Variants in RAVER2 observed in about 807,000 individuals in gnomAD.
RAVER2 encodes ribonucleoprotein, PTB binding 2.
A neutral mutation model predicts 78.1 loss-of-function variants in RAVER2; 46 were observed. That is an observed-to-expected ratio of 0.59 (90% CI 0.46 to 0.75). RAVER2 has a LOEUF of 0.75. Among genes scored for constraint, RAVER2 ranks in the 30% least tolerant of loss-of-function variants. The pLI, the probability that RAVER2 is intolerant of heterozygous loss-of-function variation, is 0.00. For synonymous variants in RAVER2, 311 were observed against 313.3 expected (o/e 0.99, Z 0.08); for missense variants, 793 against 837.5 (o/e 0.95, Z 0.66).
At chr1:64,761,072 A>G (rs1411791612) in intron 1 of RAVER2, among the ~76,000 whole-genome samples, 1 of 152,230 alleles carries the variant, frequency 6.6e-6, no homozygotes, top group Non-Finnish European at 1.5e-5. Context: ...TGTTAGGATT[A>G]AATGAGATAA....
At chr1:64,803,200 T>TA in intron 6 of RAVER2, 139 bp downstream of exon 6, 1 of 578,580 alleles carries the variant, frequency 1.7e-6, no homozygotes, top group Middle Eastern at 3.7e-4. Context: ...TATAGGTATG[T>TA]AAAATCATAA....
At position 64,821,855 on chromosome 1, in the gene RAVER2, C is replaced by T. The variant is rs553937467; in HGVS notation, c.1929+7015C>T. 5.3e-5 allele frequency among the ~76,000 whole-genome samples: 8 copies of T among 152,228 alleles called. No homozygotes were observed. The East Asian group carries it at 5.8e-4, about 11-fold the overall frequency. ...GGCAATACCATCCTGGACACAGGAA[C>T]GCACAAAGATTTTACGACAAAGTAT... is the stretch of plus-strand genomic sequence containing the variant. On this transcript the variant is annotated intron_variant, in intron 11 of 11. Transcript: ENST00000294428.
At chr1:64,796,135 A>C (rs536689205) in intron 5 of RAVER2, among the ~76,000 whole-genome samples, 2 of 152,050 alleles carry the variant, frequency 1.3e-5, no homozygotes, top group Admixed American at 1.3e-4. Context: ...GGTAAACCTC[A>C]CTTAGTCATG....
intron 1 of RAVER2, among the ~76,000 whole-genome samples, chr1:64,762,341 T>C (rs1652045393): frequency 6.6e-6 from 1 of 151,980 alleles, no homozygotes; most frequent in Non-Finnish European, 1.5e-5. Context: ...ATGTCAGTTG[T>C]TCCCAAACTG....
intron 1 of RAVER2, among the ~76,000 whole-genome samples, chr1:64,755,732 T>G (rs918129777): frequency 5.7e-4 from 81 of 141,556 alleles, no homozygotes; most frequent in African/African-American, 1.7e-3. Context: ...TAGTTTTTTT[T>G]TTTTTTTTTT....
chr1:64,763,444 T>G (rs1570534145), intron 1 of RAVER2, among the ~76,000 whole-genome samples: 1 of 152,156 alleles, frequency 6.6e-6, no homozygotes, highest in Non-Finnish European at 1.5e-5. Flanking sequence ...GAAATACAAA[T>G]TAAGGCCATA....
At chr1:64,773,391 G>C (rs1168758854) in intron 2 of RAVER2, among the ~76,000 whole-genome samples, 1 of 151,146 alleles carries the variant, frequency 6.6e-6, no homozygotes, top group Non-Finnish European at 1.5e-5. Context: ...GTGTCCATTT[G>C]TTCTCATTGT....
At position 64,781,222 on chromosome 1, in the gene RAVER2, C is replaced by G. The variant is rs138079814; in HGVS notation, c.787-158C>G. Among the ~76,000 whole-genome samples the G allele has an allele frequency of 3.2e-3, 488 of 152,316 alleles. 1 individual carries two copies. Among genetic ancestry groups the G allele is most frequent in the African/African-American group, 0.011 (467 of 41,582 alleles). ...TTCCTGTCTTCAAGAAGAACTACAT[C>G]TAAGCAATTAGTAAACATTTTCATA... On this transcript the variant is annotated intron_variant, in intron 3 of 11. Transcript: ENST00000294428.
intron 10 of RAVER2, 51 bp from the exon 11 acceptor site, chr1:64,814,653 A>G: frequency 1.9e-6 from 2 of 1,039,554 alleles, no homozygotes; most frequent in Non-Finnish European, 1.3e-6. Context: ...AATAAAATAA[A>G]TTTATAATAA....
chr1:64,828,026 T>C (rs1183687515), intron 11 of RAVER2, among the ~76,000 whole-genome samples: 1 of 152,148 alleles, frequency 6.6e-6, no homozygotes, highest in Non-Finnish European at 1.5e-5. Context: ...GCCATCTGCC[T>C]TTGCACAGGC....
At chr1:64,788,237 C>T (rs1474286814) in intron 4 of RAVER2, among the ~76,000 whole-genome samples, 1 of 152,012 alleles carries the variant, frequency 6.6e-6, no homozygotes, top group African/African-American at 2.4e-5. Flanking sequence ...CTTTGGGAGG[C>T]CGAGGTGGGT....
chr1:64,759,314 G>T (rs996817034), intron 1 of RAVER2, among the ~76,000 whole-genome samples: 4 of 151,690 alleles, frequency 2.6e-5, no homozygotes, highest in Non-Finnish European at 5.9e-5. Context: ...CCGCCTCCCG[G>T]GTTCATGGCA....
chr1:64,822,831 A>G (rs1653919414), intron 11 of RAVER2, among the ~76,000 whole-genome samples: 1 of 152,272 alleles, frequency 6.6e-6, no homozygotes, highest in Non-Finnish European at 1.5e-5. Context: ...GGTAATATCC[A>G]CGTGATGGAA....
At chr1:64,782,162 C>A (rs1056926117) in intron 4 of RAVER2, among the ~76,000 whole-genome samples, 1 of 152,202 alleles carries the variant, frequency 6.6e-6, no homozygotes, top group African/African-American at 2.4e-5. Flanking sequence ...CCTCAGCCTC[C>A]CAAAGTGCTG....
intron 5 of RAVER2, among the ~76,000 whole-genome samples, chr1:64,793,768 A>G (rs1240973867): frequency 1.3e-5 from 2 of 152,118 alleles, no homozygotes; most frequent in Non-Finnish European, 2.9e-5. Context: ...TTCTGTCACT[A>G]CAGTTTGTAT....
rs1011425003 is a variant in RAVER2 at position 64,758,947 on chromosome 1, A to G, written c.250-9709A>G. ...TAAATATTTAAATATTGGAGGAGAG[A>G]TTGTGATTTATGTATGGTTATTCTT... On this transcript the variant is annotated intron_variant, in intron 1 of 11. Coordinates refer to ENST00000294428, the Ensembl canonical transcript of RAVER2. Among the ~76,000 whole-genome samples, 3 of 149,712 alleles carry G rather than the reference A, an allele frequency of 2.0e-5. 1 individual carries two copies. The highest frequency in any genetic ancestry group is 7.6e-5 in the African/African-American group (3 of 39,622).
At chr1:64,823,080 A>T (rs1410287365) in intron 11 of RAVER2, among the ~76,000 whole-genome samples, 2 of 152,178 alleles carry the variant, frequency 1.3e-5, no homozygotes, top group Non-Finnish European at 2.9e-5. Flanking sequence ...GGGGAGAGTG[A>T]TAAAAATACT....
intron 4 of RAVER2, among the ~76,000 whole-genome samples, chr1:64,781,991 C>T (rs1570550534): frequency 6.6e-6 from 1 of 152,278 alleles, no homozygotes; most frequent in South Asian, 2.1e-4. Context: ...GCAGCCTCTG[C>T]CTCCTGGGTT....
chr1:64,746,815 A>G (rs1651551606), intron 1 of RAVER2, among the ~76,000 whole-genome samples: 1 of 152,216 alleles, frequency 6.6e-6, no homozygotes, highest in Admixed American at 6.5e-5. Flanking sequence ...CTGCCCATAC[A>G]AATAGAGGAC....
Sources: gnomAD v4.1 joint callset for allele counts (sites outside exome capture counted in the v4.1 genomes callset) on GRCh38, gnomAD v4.1.1 for gene constraint, MANE v1.5 for transcripts, NCBI Gene and HGNC (gene_info 2026-07-23, HGNC 2026-07-21) for gene names.